The following DRC7 variants were observed in gnomAD, a reference collection of about 807,000 sequenced individuals.
DRC7 encodes coiled-coil domain containing 135.
In DRC7, 80 loss-of-function variants were observed where a neutral mutation model predicts 104.4. The ratio of observed to expected loss-of-function variants is 0.77; its 90% confidence interval spans 0.64 to 0.92. The LOEUF (loss-of-function observed/expected upper bound fraction) is 0.92, where lower values mean the gene tolerates loss of function less well. Ranked by LOEUF, DRC7 falls within the 40% of genes least tolerant of loss-of-function variation. The pLI, the probability that DRC7 is intolerant of heterozygous loss-of-function variation, is 0.00. For missense variants in DRC7, 1,034 were observed against 1,141.1 expected (o/e 0.91, Z 1.35); for synonymous variants, 405 against 447.3 (o/e 0.91, Z 1.19).
At chr16:57,718,504 G>C (rs1338991441) in intron 9 of DRC7, 29 bp downstream of exon 9, 7 of 1,611,684 alleles carry the variant, frequency 4.3e-6, no homozygotes, top group Non-Finnish European at 5.1e-6. Context: ...AGAGCCCAGG[G>C]AATGTGTGTG....
chr16:57,712,469 T>C (rs1444870526), intron 8 of DRC7, among the ~76,000 whole-genome samples: 3 of 152,194 alleles, frequency 2.0e-5, no homozygotes, highest in African/African-American at 7.2e-5. Flanking sequence ...AAGTCCCACC[T>C]TCTGGTCAGT....
chr16:57,708,143 C>G (rs1270616798), intron 8 of DRC7, among the ~76,000 whole-genome samples: 1 of 152,090 alleles, frequency 6.6e-6, no homozygotes, highest in East Asian at 1.9e-4. Context: ...CACACACGCG[C>G]CTACAAGAGG....
chr16:57,720,637 C>G (rs1015762005), intron 9 of DRC7, among the ~76,000 whole-genome samples: 6 of 152,198 alleles, frequency 3.9e-5, no homozygotes, highest in Non-Finnish European at 7.3e-5. Context: ...CATGGACCCC[C>G]AGGAAAAACC....
chr16:57,709,451 T>C (rs1328192826), intron 8 of DRC7, among the ~76,000 whole-genome samples: 1 of 152,200 alleles, frequency 6.6e-6, no homozygotes, highest in African/African-American at 2.4e-5. Flanking sequence ...TTGTGTGATG[T>C]TTATCTTGAC....
At chr16:57,723,365 G>C (rs1489184786) in intron 12 of DRC7, among the ~76,000 whole-genome samples, 1 of 152,184 alleles carries the variant, frequency 6.6e-6, no homozygotes, top group Non-Finnish European at 1.5e-5. Context: ...AGCTAAAGGG[G>C]GCGCCACATA....
chr16:57,702,236 G>T, intron 6 of DRC7, 106 bp downstream of exon 6: 2 of 1,168,898 alleles, frequency 1.7e-6, no homozygotes, highest in Non-Finnish European at 2.4e-6. Context: ...CCCCAGCCCT[G>T]GCCACGCGGA....
intron 6 of DRC7, among the ~76,000 whole-genome samples, chr16:57,704,486 A>C (rs572537445): frequency 1.2e-4 from 18 of 151,942 alleles, no homozygotes; most frequent in African/African-American, 4.3e-4. Flanking sequence ...GAAAAATCCA[A>C]CTCCTGACAA....
intron 3 of DRC7, among the ~76,000 whole-genome samples, 173 bp downstream of exon 3, chr16:57,698,325 C>T (rs2048619737): frequency 6.6e-6 from 1 of 152,064 alleles, no homozygotes; most frequent in African/African-American, 2.4e-5. Flanking sequence ...CATGCTCTCC[C>T]AACTAGCTGT....
Position 57,726,935 on chromosome 16 carries a change from A to C in DRC7, c.2078A>C (p.Glu693Ala). The change falls in exon 15 of 19, where the codon GAG becomes GCG. Residue 693 changes from glutamate (E) to alanine (A), a missense_variant. Glu to Ala is a moderately radical substitution (Grantham distance 107). Coordinates refer to ENST00000360716, the MANE Select transcript of DRC7 (RefSeq NM_001289162.2). ...TCCAGACATCAGGTCTGGGAGTCAG[A>C]GCTGGAGGTAGGGTCCTGTGGGAGA... ...KLSRHQVWES[E>A]LEVLEILKLR... is the part of the protein sequence containing the mutation. 1 of 1,603,518 alleles carries C rather than the reference A, an allele frequency of 6.2e-7. No homozygotes were observed. The highest frequency in any genetic ancestry group is 8.5e-7 in the Non-Finnish European group (1 of 1,171,398).
intron 8 of DRC7, among the ~76,000 whole-genome samples, chr16:57,711,792 C>G (rs2048793738): frequency 6.6e-6 from 1 of 152,176 alleles, no homozygotes; most frequent in Non-Finnish European, 1.5e-5. Flanking sequence ...ACCAGGAGTG[C>G]TGATTGGTCA....
rs148521651 is a variant in DRC7 at position 57,731,061 on chromosome 16, G to C, written c.2522G>C (p.Arg841Pro). 107 of 1,613,732 alleles carry C rather than the reference G, an allele frequency of 6.6e-5. No homozygotes were observed. The highest frequency in any genetic ancestry group is 1.7e-4 in the Middle Eastern group (1 of 6,060). Residue 841 changes from arginine to proline, a missense_variant, in exon 18 of 19, where the codon CGC (arginine) becomes CCC (proline). Coordinates refer to ENST00000360716, the MANE Select transcript of DRC7 (RefSeq NM_001289162.2). ...AMFRIRILEQ[R>P]LNRHKELAPL... is the part of the protein sequence containing the mutation. Reference sequence around the variant, plus strand: ...TTCCGCATCCGCATCCTGGAGCAGCGCCTCAATCGGTGAGCAGGCAGGGCA... The same window carrying C: ...TTCCGCATCCGCATCCTGGAGCAGCCCCTCAATCGGTGAGCAGGCAGGGCA...
chr16:57,705,109 G>GT, intron 7 of DRC7, 75 bp downstream of exon 7: 5 of 1,495,360 alleles, frequency 3.3e-6, no homozygotes, highest in Non-Finnish European at 4.5e-6. Context: ...AGAGGCATAG[G>GT]TCATGGAGGG....
Position 57,700,283 on chromosome 16 carries a change from C to G in DRC7, c.504+13C>G. On this transcript the variant is annotated intron_variant, in intron 5 of 18. Transcript: ENST00000360716. ...CCCTCTCAAGCCGGTAAGCACCACTCACAGGCTGCATGCCTGAGCCCACCA... is the reference window on the plus strand; with the variant it reads ...CCCTCTCAAGCCGGTAAGCACCACTGACAGGCTGCATGCCTGAGCCCACCA... 1.2e-6 allele frequency: 2 copies of G among 1,609,708 alleles called. No homozygotes were observed. Among genetic ancestry groups the G allele is most frequent in the Non-Finnish European group, 1.7e-6 (2 of 1,176,818 alleles).
chr16:57,705,746 T>C (rs1278181738), intron 7 of DRC7, among the ~76,000 whole-genome samples: 2 of 34,538 alleles, frequency 5.8e-5, no homozygotes, highest in South Asian at 1.1e-3. Flanking sequence ...ATCCACCCTC[T>C]GATCTCTCCT....
At chr16:57,706,350 T>C (rs1375307269) in intron 7 of DRC7, among the ~76,000 whole-genome samples, 1 of 135,660 alleles carries the variant, frequency 7.4e-6, no homozygotes, top group Non-Finnish European at 1.6e-5. Flanking sequence ...CTCCAACCCA[T>C]CCTCCCATCT....
chr16:57,726,263 G>A lies in DRC7; in HGVS notation c.1954G>A (p.Asp652Asn), dbSNP rs1428423150. 4 of 1,611,854 alleles carry A rather than the reference G, an allele frequency of 2.5e-6. No individual in the cohort carries two copies. Among genetic ancestry groups the A allele is most frequent in the African/African-American group, 2.7e-5 (2 of 74,924 alleles). Residue 652 changes from aspartate to asparagine, a missense_variant, in exon 14 of 19, where the codon GAC (aspartate) becomes AAC (asparagine). Physicochemically the swap from Asp to Asn is conservative, Grantham distance 23 (BLOSUM62 1). Coordinates refer to ENST00000360716, the MANE Select transcript of DRC7 (RefSeq NM_001289162.2). The part of the protein sequence containing the change: ...SKGNKIIMTP[D>N]MCISFEVEPM... ...AGGCAACAAGATCATCATGACGCCC[G>A]ACATGTGCATCAGCTTCGAGGTGGG...
Position 57,731,444 on chromosome 16 carries a change from CTTAAT to C in DRC7, c.*189_*193del. On this transcript the variant is annotated 3_prime_UTR_variant, in exon 19 of 19. Coordinates refer to ENST00000360716, the MANE Select transcript of DRC7 (RefSeq NM_001289162.2). The stretch of plus-strand genomic sequence containing the variant: ...TGATTTTCCTGTAAATAAACACACT[CTTAAT>C]TTGCCATTTGTGCCTTGCGCTTCAC... 1 of 595,382 alleles carries C rather than the reference CTTAAT, an allele frequency of 1.7e-6. No individual in the cohort carries two copies. The highest frequency in any genetic ancestry group is 2.8e-5 in the East Asian group (1 of 35,670). 36.9% of individuals were successfully genotyped at this position (595,382 alleles called of 1,614,324 possible).
In DRC7 at chr16:57,724,174, G is replaced by A. The variant is rs1431432556; in HGVS notation, c.1538-441G>A. Among the ~76,000 whole-genome samples the A allele has an allele frequency of 3.3e-5, 5 of 152,000 alleles. No individual in the cohort carries two copies. The East Asian group carries it at 9.6e-4, about 29-fold the overall frequency. Reference sequence around the variant, plus strand: ...AAAATACAAAAATTAGCCAGGTGTGGTGGCAGGTGCCTGTAGTCCCAGTTA... The same window carrying A: ...AAAATACAAAAATTAGCCAGGTGTGATGGCAGGTGCCTGTAGTCCCAGTTA... On this transcript the variant is annotated intron_variant, in intron 12 of 18. Transcript: ENST00000360716.
In DRC7 at chr16:57,697,923, T is replaced by C; in HGVS notation, c.-27T>C. On this transcript the variant is annotated 5_prime_UTR_variant, in exon 3 of 19. Transcript: ENST00000360716. ...TACCCTTCCCCACAGAGACATTCCA[T>C]CTCCAGACACCCAGAGACGCTCCAG... is the stretch of plus-strand genomic sequence containing the variant. 1 of 1,604,862 alleles carries C rather than the reference T, an allele frequency of 6.2e-7. No homozygotes were observed. Among genetic ancestry groups the C allele is most frequent in the Non-Finnish European group, 8.5e-7 (1 of 1,175,568 alleles).
Sources: gnomAD v4.1 joint callset for allele counts (sites outside exome capture counted in the v4.1 genomes callset) on GRCh38, gnomAD v4.1.1 for gene constraint, MANE v1.5 for transcripts, NCBI Gene and HGNC (gene_info 2026-07-23, HGNC 2026-07-21) for gene names.